Variants in PDE3A observed in about 807,000 individuals in gnomAD.
PDE3A encodes the protein phosphodiesterase 3A.
Under a neutral mutation model 98.3 loss-of-function variants are expected in PDE3A, and 43 were observed. That is an observed-to-expected ratio of 0.44 (90% CI 0.34 to 0.56). The LOEUF (loss-of-function observed/expected upper bound fraction) is 0.56, where lower values mean the gene tolerates loss of function less well. Ranked by LOEUF, PDE3A falls within the 20% of genes least tolerant of loss-of-function variation. The probability of loss-of-function intolerance (pLI) is 0.01; values close to 1 mark genes in which losing one functional copy is unlikely to be tolerated. For synonymous variants in PDE3A, 663 were observed against 567.9 expected (o/e 1.17, Z -2.38); for missense variants, 1,427 against 1,440.7 (o/e 0.99, Z 0.15).
chr12:20,405,453 A>C (rs1490076940), intron 1 of PDE3A, among the ~76,000 whole-genome samples: 1 of 152,002 alleles, frequency 6.6e-6, no homozygotes, highest in African/African-American at 2.4e-5. Flanking sequence ...AAGCTTTCTG[A>C]ATCTATACAG....
In PDE3A at chr12:20,684,955, G is replaced by C. The variant is rs973037548; in HGVS notation, c.*4684G>C. 1.2e-4 allele frequency among the ~76,000 whole-genome samples: 19 copies of C among 152,196 alleles called. No homozygotes were observed. The highest frequency in any genetic ancestry group is 4.4e-5 in the Non-Finnish European group (3 of 68,036). On this transcript the variant is annotated 3_prime_UTR_variant, in exon 16 of 16. Coordinates refer to ENST00000359062, the MANE Select transcript of PDE3A (RefSeq NM_000921.5). The stretch of plus-strand genomic sequence containing the variant: ...TAACATATTTTCCAGTCTATGTTAT[G>C]CACCATGGATGTTAGGCAATGTGTG...
chr12:20,369,180 AGCGT>A lies in PDE3A; in HGVS notation c.-95_-92del, dbSNP rs71039938. 37 of 626,952 alleles carry A rather than the reference AGCGT, an allele frequency of 5.9e-5. No individual in the cohort carries two copies. The highest frequency in any genetic ancestry group is 3.9e-4 in the Admixed American group (12 of 31,154). The allele number at this position is 626,952 out of a possible 1,614,324, so 38.8% of individuals were successfully genotyped here. ...GGATTCCGAGGGTGGAATTGGGAAG[AGCGT>A]GCGTGCGTGTGTGTGTGTGTGTGTG... On this transcript the variant is annotated 5_prime_UTR_variant, in exon 1 of 16. Transcript: ENST00000359062.
At chr12:20,663,813 G>C (rs1481057079) in intron 15 of PDE3A, among the ~76,000 whole-genome samples, 1 of 152,112 alleles carries the variant, frequency 6.6e-6, no homozygotes, top group Non-Finnish European at 1.5e-5. Flanking sequence ...TTAAGACATT[G>C]GGGGACTTTT....
chr12:20,506,099 GGTGTGTGT>G lies in PDE3A; in HGVS notation c.961-50538_961-50531del, dbSNP rs56148951. The stretch of plus-strand genomic sequence containing the variant: ...AGGAGCTATGGGAACTCTAAAGGAA[GGTGTGTGT>G]GTGTGTGTGTGTGTGTGTGTGTATG... On this transcript the variant is annotated intron_variant, in intron 1 of 15. Transcript: ENST00000359062. Among the ~76,000 whole-genome samples, 1,181 of 148,802 alleles carry G rather than the reference GGTGTGTGT, an allele frequency of 7.9e-3. 16 individuals carry two copies. Among genetic ancestry groups the G allele is most frequent in the African/African-American group, 0.027 (1,084 of 40,404 alleles).
intron 1 of PDE3A, among the ~76,000 whole-genome samples, chr12:20,528,726 G>T (rs897003202): frequency 6.6e-6 from 1 of 152,142 alleles, no homozygotes; most frequent in African/African-American, 2.4e-5. Flanking sequence ...CATGACTTTT[G>T]CAGAGCACAT....
intron 2 of PDE3A, among the ~76,000 whole-genome samples, chr12:20,564,308 T>A (rs1252085590): frequency 6.6e-6 from 1 of 152,118 alleles, no homozygotes; most frequent in African/African-American, 2.4e-5. Flanking sequence ...TACAGCATAA[T>A]CTCATTGATA....
intron 1 of PDE3A, among the ~76,000 whole-genome samples, chr12:20,504,500 T>G (rs1310837153): frequency 6.6e-6 from 1 of 152,090 alleles, no homozygotes; most frequent in Non-Finnish European, 1.5e-5. Context: ...AACCACAAAT[T>G]TATTAATTTT....
intron 6 of PDE3A, among the ~76,000 whole-genome samples, chr12:20,632,852 T>C (rs993044080): frequency 3.9e-5 from 6 of 152,072 alleles, no homozygotes; most frequent in African/African-American, 1.4e-4. Flanking sequence ...ATAAAATTCA[T>C]ATACTATCAT....
Position 20,654,102 on chromosome 12 carries a change from G to A in PDE3A, c.3081G>A (p.Val1027=), listed in dbSNP as rs1565464573. The change falls in exon 15 of 16, where the codon GTG becomes GTA. Residue 1027 remains valine (V), a synonymous_variant. Transcript: ENST00000359062. ...DSAGLMPGKW[V]EDSDESGDTD... The stretch of plus-strand genomic sequence containing the variant: ...CAGGACTAATGCCTGGAAAATGGGT[G>A]GAAGACAGCGATGAGTCAGGAGATA... 1 of 1,614,082 alleles carries A rather than the reference G, an allele frequency of 6.2e-7. No individual in the cohort carries two copies. The highest frequency in any genetic ancestry group is 1.1e-5 in the South Asian group (1 of 91,080).
intron 1 of PDE3A, 148 bp downstream of exon 1, chr12:20,370,392 T>A: frequency 2.2e-6 from 1 of 456,934 alleles, no homozygotes; most frequent in Non-Finnish European, 3.6e-6. Context: ...CTAGCAGGTT[T>A]TTTTTTTGTT....
rs2120514050 is a variant in PDE3A, at chr12:20,683,096, T to C, written c.*2825T>C. On this transcript the variant is annotated 3_prime_UTR_variant, in exon 16 of 16. Transcript: ENST00000359062. Reference sequence around the variant, plus strand: ...GCAATCCAGGCAGATTGATACATTTTTCTTTAAAAATAAATTGCTATTACA... The same window carrying C: ...GCAATCCAGGCAGATTGATACATTTCTCTTTAAAAATAAATTGCTATTACA... The C allele has an allele frequency of 6.6e-6, 1 of 152,330 alleles. No individual in the cohort carries two copies. The highest frequency in any genetic ancestry group is 1.9e-4 in the East Asian group (1 of 5,176). 9.4% of individuals were successfully genotyped at this position (152,330 alleles called of 1,614,324 possible).
At chr12:20,566,516 A>AT (rs11339084) in intron 2 of PDE3A, among the ~76,000 whole-genome samples, 60 of 148,290 alleles carry the variant, frequency 4.0e-4, no homozygotes, top group African/African-American at 8.4e-4. Flanking sequence ...TTAAAAGGGT[A>AT]TTTTTTTTTT....
chr12:20,650,464 T>G lies in PDE3A; in HGVS notation c.2789T>G (p.Ile930Arg). ...FNGKVNDDVGIDWTNENDRLL... is the reference protein window; with the variant it reads ...FNGKVNDDVGRDWTNENDRLL... ...AAATAGGTAAATGATGATGTTGGAA[T>G]AGATTGGACCAATGAAAATGATCGT... is the stretch of plus-strand genomic sequence containing the variant. Residue 930 changes from isoleucine (I) to arginine (R), a missense_variant, in exon 14 of 16, where the codon ATA becomes AGA. Ile to Arg is a moderately conservative substitution (Grantham distance 97). Coordinates refer to ENST00000359062, the MANE Select transcript of PDE3A (RefSeq NM_000921.5). 6.2e-7 allele frequency: 1 copy of G among 1,608,192 alleles called. No homozygotes were observed. The highest frequency in any genetic ancestry group is 8.5e-7 in the Non-Finnish European group (1 of 1,176,174).
chr12:20,585,915 C>A (rs141893329), intron 2 of PDE3A, among the ~76,000 whole-genome samples: 1 of 152,116 alleles, frequency 6.6e-6, no homozygotes, highest in Admixed American at 6.5e-5. Flanking sequence ...CTAGACACTG[C>A]GGATACAAAG....
intron 1 of PDE3A, among the ~76,000 whole-genome samples, chr12:20,386,150 T>A (rs1309809872): frequency 3.5e-5 from 1 of 28,818 alleles, no homozygotes; most frequent in Admixed American, 6.7e-4. Flanking sequence ...TAAATATATA[T>A]ATAAATATAT....
intron 1 of PDE3A, among the ~76,000 whole-genome samples, chr12:20,531,181 C>G (rs890269395): frequency 3.9e-5 from 6 of 152,126 alleles, no homozygotes; most frequent in Admixed American, 3.9e-4. Context: ...ATTCTACTAA[C>G]CTCAGCAAAA....
intron 2 of PDE3A, among the ~76,000 whole-genome samples, chr12:20,590,956 C>T (rs1056076619): frequency 1.3e-5 from 2 of 152,238 alleles, no homozygotes; most frequent in East Asian, 1.9e-4. Flanking sequence ...CTGTCCACTT[C>T]GAAAGTGCAG....
At chr12:20,545,263 A>C (rs1215368022) in intron 1 of PDE3A, among the ~76,000 whole-genome samples, 2 of 152,080 alleles carry the variant, frequency 1.3e-5, no homozygotes, top group South Asian at 2.1e-4. Context: ...GAATTATGGA[A>C]ACATTCTAAA....
chr12:20,489,970 A>T (rs576188060), intron 1 of PDE3A, among the ~76,000 whole-genome samples: 2 of 152,230 alleles, frequency 1.3e-5, no homozygotes, highest in African/African-American at 4.8e-5. Flanking sequence ...TTGGTAAGAG[A>T]GTTGGATTTG....
Sources: allele counts gnomAD v4.1 joint callset (sites outside exome capture counted in the v4.1 genomes callset), GRCh38; gene constraint gnomAD v4.1.1; transcripts MANE v1.5; gene names NCBI Gene and HGNC (gene_info 2026-07-23, HGNC 2026-07-21).